Variants in ZNF496 observed in about 807,000 individuals in gnomAD.
The protein encoded by ZNF496 is NSD1 (nuclear receptor binding SET-domain containing 1)-interacting zinc finger protein 1.
ZNF496 carries 11 observed loss-of-function variants against 58.9 expected under a neutral mutation model. The observed-to-expected ratio is 0.19, with a 90% CI of 0.12 to 0.31. ZNF496 has a LOEUF of 0.31. Among genes scored for constraint, ZNF496 ranks in the 10% least tolerant of loss-of-function variants. The probability of loss-of-function intolerance (pLI) is 1.00; values close to 1 mark genes in which losing one functional copy is unlikely to be tolerated. For missense variants in ZNF496, 660 were observed against 783.0 expected (o/e 0.84, Z 1.88); for synonymous variants, 338 against 318.2 (o/e 1.06, Z -0.66).
At chr1:247,326,028 A>G (rs1660107087) in intron 5 of ZNF496, among the ~76,000 whole-genome samples, 1 of 138,666 alleles carries the variant, frequency 7.2e-6, no homozygotes, top group East Asian at 2.1e-4. Flanking sequence ...ATATATATAT[A>G]TACACACGCA....
At position 247,308,651 on chromosome 1, in the gene ZNF496, T is replaced by C; in HGVS notation, c.893-63A>G. 6.7e-7 allele frequency: 1 copy of C among 1,489,836 alleles called. No homozygotes were observed. The highest frequency in any genetic ancestry group is 9.3e-7 in the Non-Finnish European group (1 of 1,070,520). The allele number at this position is 1,489,836 out of a possible 1,614,324, so 92.3% of individuals were successfully genotyped here. ...GCACCTACAGCACTACCTGGGAGGGTGCTATCCGAATAGATGCCAGGCTAC... is the reference window on the plus strand; with the variant it reads ...GCACCTACAGCACTACCTGGGAGGGCGCTATCCGAATAGATGCCAGGCTAC... On this transcript the variant is annotated intron_variant, in intron 8 of 9. Transcript: ENST00000682384. The surrounding 1 kb of genome is among the most constrained non-coding windows in gnomAD (Gnocchi z 4.5).
In ZNF496 at chr1:247,300,747, C is replaced by T. The variant is rs767638206; in HGVS notation, c.1536G>A (p.Pro512=). The T allele has an allele frequency of 1.1e-5, 17 of 1,610,794 alleles. No individual in the cohort carries two copies. In the East Asian group the frequency reaches 3.1e-4, roughly 30 times the overall value. ...TCAGTTTGGCCTTGCCGTTTTCCAG[C>T]GGCTCTTTGGGACCCTTGTCCGCGT... is the stretch of plus-strand genomic sequence containing the variant. ...SEDADKGPKE[P]LENGKAKLSF... The change falls in exon 10 of 10, where the codon CCG becomes CCA. Residue 512 remains proline (P), a synonymous_variant. Coordinates refer to ENST00000682384, the MANE Select transcript of ZNF496 (RefSeq NM_032752.3). This position sits in a 1 kb window ranked among gnomAD's most constrained non-coding sequence, Gnocchi z 5.7.
In ZNF496 at chr1:247,310,565, T is replaced by C. The variant is rs1659568400; in HGVS notation, c.652-109A>G. ...AACGCTGTAGGACGGGCAGTTTCTATACAACAGAAATCTGTTCCTCACAGT... is the reference window on the plus strand; with the variant it reads ...AACGCTGTAGGACGGGCAGTTTCTACACAACAGAAATCTGTTCCTCACAGT... On this transcript the variant is annotated intron_variant, in intron 6 of 9. Coordinates refer to ENST00000682384, the MANE Select transcript of ZNF496 (RefSeq NM_032752.3). 4 of 1,414,200 alleles carry C rather than the reference T, an allele frequency of 2.8e-6. No homozygotes were observed. The African/African-American group carries it at 5.7e-5, about 20-fold the overall frequency. 87.6% of individuals were successfully genotyped at this position (1,414,200 alleles called of 1,614,324 possible).
chr1:247,313,169 C>T (rs1205503964), intron 6 of ZNF496: 2 of 152,220 alleles, frequency 1.3e-5, no homozygotes, highest in Non-Finnish European at 2.9e-5. Flanking sequence ...GCCCTTATAA[C>T]CTGATCATCT....
chr1:247,314,664 G>A (rs1659713540), intron 6 of ZNF496, among the ~76,000 whole-genome samples: 1 of 152,130 alleles, frequency 6.6e-6, no homozygotes, highest in South Asian at 2.1e-4. Flanking sequence ...CTACCTCTCT[G>A]GAAAACTATC....
In ZNF496 at chr1:247,300,581, G is replaced by A. The variant is rs778747371; in HGVS notation, c.1702C>T (p.Leu568Phe). ...CVKSFTQNYD[L>F]LRHERLHMKR... Reference sequence around the variant, plus strand: ...ATGTGCAGGCGCTCGTGGCGGAGGAGGTCATAGTTCTGCGTGAAGCTCTTG... The same window carrying A: ...ATGTGCAGGCGCTCGTGGCGGAGGAAGTCATAGTTCTGCGTGAAGCTCTTG... The change falls in exon 10 of 10, where the codon CTC (leucine) becomes TTC (phenylalanine). Residue 568 changes from leucine (L) to phenylalanine (F), a missense_variant. Coordinates refer to ENST00000682384, the MANE Select transcript of ZNF496 (RefSeq NM_032752.3). This position sits in a 1 kb window ranked among gnomAD's most constrained non-coding sequence, Gnocchi z 5.7. 5.0e-6 allele frequency: 8 copies of A among 1,613,710 alleles called. No homozygotes were observed. Among genetic ancestry groups the A allele is most frequent in the Non-Finnish European group, 6.8e-6 (8 of 1,179,816 alleles).
chr1:247,304,615 G>A (rs1404279559), intron 9 of ZNF496, among the ~76,000 whole-genome samples: 4 of 151,978 alleles, frequency 2.6e-5, no homozygotes, highest in African/African-American at 9.7e-5. Flanking sequence ...CAGGTGATCC[G>A]CCTGCCTCGG....
At chr1:247,310,704 A>G (rs1659574364) in intron 6 of ZNF496, 2 of 457,396 alleles carry the variant, frequency 4.4e-6, no homozygotes, top group South Asian at 6.5e-5. Flanking sequence ...GGAGAGGGCA[A>G]GGGAGTTCTC....
intron 6 of ZNF496, chr1:247,312,771 G>A (rs1270117750): frequency 1.3e-5 from 2 of 151,252 alleles, no homozygotes; most frequent in Non-Finnish European, 2.9e-5. Context: ...AGAAAAAATT[G>A]TCTGTTCATG....
intron 7 of ZNF496, chr1:247,310,010 A>C (rs1659541676): frequency 7.1e-7 from 1 of 1,403,224 alleles, no homozygotes. Context: ...GGTCTCTCTG[A>C]GGCTTTCGGG....
chr1:247,312,341 C>T (rs1442596574), intron 6 of ZNF496: 4 of 152,212 alleles, frequency 2.6e-5, no homozygotes, highest in Non-Finnish European at 4.4e-5. Flanking sequence ...TTGCCCACCA[C>T]ACGTTTCTCA....
At position 247,310,465 on chromosome 1, in the gene ZNF496, A is replaced by G. The variant is rs1659563726; in HGVS notation, c.652-9T>C. On this transcript the variant is annotated splice_polypyrimidine_tract_variant and intron_variant, in intron 6 of 9. Transcript: ENST00000682384. The stretch of plus-strand genomic sequence containing the variant: ...AATGGAGAAACCCGACTCTGAAAGC[A>G]CAGGAGAACAGGGATGCCTCAGTCC... 1 of 1,613,968 alleles carries G rather than the reference A, an allele frequency of 6.2e-7. No homozygotes were observed. Among genetic ancestry groups the G allele is most frequent in the Non-Finnish European group, 8.5e-7 (1 of 1,180,000 alleles).
intron 9 of ZNF496, chr1:247,307,285 C>T (rs892937942): frequency 3.0e-6 from 3 of 985,410 alleles, no homozygotes; most frequent in Non-Finnish European, 3.6e-6. Flanking sequence ...TGAAATATAT[C>T]GTCTCTCCCC....
chr1:247,315,155 A>AT (rs1482424750), intron 6 of ZNF496, among the ~76,000 whole-genome samples: 1 of 150,556 alleles, frequency 6.6e-6, no homozygotes, highest in Non-Finnish European at 1.5e-5. Context: ...AGATGTTAAT[A>AT]TAAAAAAAAA....
chr1:247,329,180 TCTA>T lies in ZNF496; in HGVS notation c.390+6_390+8del, dbSNP rs1249925187. On this transcript the variant is annotated splice_donor_region_variant and intron_variant, in intron 4 of 9. Coordinates refer to ENST00000682384, the MANE Select transcript of ZNF496 (RefSeq NM_032752.3). This position sits in a 1 kb window ranked among gnomAD's most constrained non-coding sequence, Gnocchi z 5.5. ...CTCTACCCGTCCCAGCCCCACCTCT[TCTA>T]CTCACCCACTGCCAGGGTCTCCCGG... 1.2e-6 allele frequency: 2 copies of T among 1,613,268 alleles called. No individual in the cohort carries two copies. The highest frequency in any genetic ancestry group is 2.2e-5 in the South Asian group (2 of 91,080).
At position 247,297,689 on chromosome 1, in the gene ZNF496, GA is replaced by G. The variant is rs1183250963; in HGVS notation, c.*2829del. On this transcript the variant is annotated 3_prime_UTR_variant, in exon 10 of 10. Transcript: ENST00000682384. ...CACTGTGGTGAAGGGTGTTGGGCTGGAGGGTTGGCCGACCTCTCCTGAGAGC... is the reference window on the plus strand; with the variant it reads ...CACTGTGGTGAAGGGTGTTGGGCTGGGGGTTGGCCGACCTCTCCTGAGAGC... The G allele has an allele frequency of 2.6e-5, 4 of 152,296 alleles. No homozygotes were observed. Among genetic ancestry groups the G allele is most frequent in the African/African-American group, 4.8e-5 (2 of 41,456 alleles). The allele number at this position is 152,296 out of a possible 1,614,324, so 9.4% of individuals were successfully genotyped here. A position where few individuals can be genotyped will look rare whatever the true frequency, so the allele number is the denominator to read the frequency against.
intron 6 of ZNF496, among the ~76,000 whole-genome samples, chr1:247,314,680 C>CT (rs1398136231): frequency 6.6e-6 from 1 of 152,198 alleles, no homozygotes; most frequent in African/African-American, 2.4e-5. Flanking sequence ...CTATCAGTTA[C>CT]TGTCAGATGG....
intron 6 of ZNF496, among the ~76,000 whole-genome samples, chr1:247,316,138 GT>G (rs1484233834): frequency 1.6e-4 from 9 of 56,082 alleles, no homozygotes; most frequent in Non-Finnish European, 3.3e-4. Context: ...GGAGAGGGGT[GT>G]GTGTGTGTGT....
At position 247,298,135 on chromosome 1, in the gene ZNF496, A is replaced by C. The variant is rs1659138508; in HGVS notation, c.*2384T>G. The C allele has an allele frequency of 6.6e-6, 1 of 151,968 alleles. No homozygotes were observed. Among genetic ancestry groups the C allele is most frequent in the Non-Finnish European group, 1.5e-5 (1 of 68,012 alleles). 9.4% of individuals were successfully genotyped at this position (151,968 alleles called of 1,614,324 possible). ...CCCCTCCCTTGGCCTTAAAAATCGG[A>C]TTTCTCCCTTTTCCAGCTATGTTGA... is the stretch of plus-strand genomic sequence containing the variant. On this transcript the variant is annotated 3_prime_UTR_variant, in exon 10 of 10. Coordinates refer to ENST00000682384, the MANE Select transcript of ZNF496 (RefSeq NM_032752.3).
Sources: gnomAD v4.1 joint callset for allele counts (sites outside exome capture counted in the v4.1 genomes callset) on GRCh38, gnomAD v4.1.1 for gene constraint, Gnocchi (gnomAD v3.1) non-coding constraint, MANE v1.5 for transcripts, NCBI Gene and HGNC (gene_info 2026-07-23, HGNC 2026-07-21) for gene names.